Variants in INTS6 observed in about 807,000 individuals in gnomAD.
INTS6 encodes integrator complex subunit 6.
Under a neutral mutation model 104.9 loss-of-function variants are expected in INTS6, and 16 were observed. The observed-to-expected ratio is 0.15, with a 90% CI of 0.10 to 0.23. The LOEUF (loss-of-function observed/expected upper bound fraction) is 0.23, where lower values mean the gene tolerates loss of function less well. INTS6 is among the 10% of genes least tolerant of loss of function. The pLI, the probability that INTS6 is intolerant of heterozygous loss-of-function variation, is 1.00. For synonymous variants in INTS6, 324 were observed against 358.7 expected, an observed-to-expected ratio of 0.90 and a Z score of 1.09; for missense variants, 584 against 1,062.8, an observed-to-expected ratio of 0.55 and a Z score of 6.26.
intron 3 of INTS6, among the ~76,000 whole-genome samples, chr13:51,433,890 A>T (rs963709220): frequency 2.0e-5 from 3 of 152,250 alleles, no homozygotes; most frequent in Non-Finnish European, 2.9e-5. Context: ...TAAAGCACTT[A>T]TCTCATTTGA....
At chr13:51,389,516 A>G (rs1215779150) in intron 5 of INTS6, 72 bp from the exon 6 acceptor site, 1 of 1,381,586 alleles carries the variant, frequency 7.2e-7, no homozygotes, top group Non-Finnish European at 9.6e-7. Context: ...AATTCCTATC[A>G]TTAGCAAGAA....
At chr13:51,394,572 A>G (rs1319172553) in intron 5 of INTS6, among the ~76,000 whole-genome samples, 1 of 152,176 alleles carries the variant, frequency 6.6e-6, no homozygotes, top group Non-Finnish European at 1.5e-5. Context: ...TATCAAATAC[A>G]GAATTTGATA....
intron 3 of INTS6, chr13:51,450,043 C>T: frequency 6.1e-6 from 6 of 984,878 alleles, no homozygotes; most frequent in Non-Finnish European, 6.0e-6. Flanking sequence ...CAATAGGAAG[C>T]AAATAAAAGT....
At chr13:51,338,067 T>C in the INTS6 span, among the ~76,000 whole-genome samples, 48 of 152,338 alleles carry the variant, frequency 3.2e-4, no homozygotes, top group Middle Eastern at 6.8e-3. Flanking sequence ...TCCCGAAGGA[T>C]GCTTCTTAAA....
At chr13:51,375,754 T>C (rs1281888300) in intron 13 of INTS6, among the ~76,000 whole-genome samples, 1 of 151,484 alleles carries the variant, frequency 6.6e-6, no homozygotes, top group Non-Finnish European at 1.5e-5. Context: ...TGTGTGTGTG[T>C]GTGTGTGTGT....
intron 15 of INTS6, among the ~76,000 whole-genome samples, chr13:51,371,495 G>C (rs1188796447): frequency 2.0e-5 from 3 of 151,894 alleles, no homozygotes; most frequent in Admixed American, 2.0e-4. Context: ...ACTAATGTCT[G>C]AATTTCTCTT....
At chr13:51,398,808 G>A (rs142985784) in intron 4 of INTS6, among the ~76,000 whole-genome samples, 10 of 150,926 alleles carry the variant, frequency 6.6e-5, no homozygotes, top group African/African-American at 2.4e-4. Flanking sequence ...AGTCCAATAA[G>A]GGAATCAATA....
chr13:51,374,662 C>T lies in INTS6; in HGVS notation c.1864G>A (p.Asp622Asn). Residue 622 changes from aspartate to asparagine, a missense_variant, in exon 14 of 18, where the codon GAT becomes AAT. Coordinates refer to ENST00000311234, the MANE Select transcript of INTS6 (RefSeq NM_012141.3). The stretch of plus-strand genomic sequence containing the variant: ...GAACATTTCAAAATTACCTTCTTAT[C>T]CAGCTTAAAGGGGTTGCCAAATGTA... Reference protein sequence around the residue: ...LHTFGNPFKLDKKGMMIDEAD... With the variant: ...LHTFGNPFKLNKKGMMIDEAD... 6.2e-7 allele frequency: 1 copy of T among 1,612,852 alleles called. No individual in the cohort carries two copies. Among genetic ancestry groups the T allele is most frequent in the Non-Finnish European group, 8.5e-7 (1 of 1,179,840 alleles).
chr13:51,439,007 A>G (rs1454031646), intron 3 of INTS6: 1 of 152,218 alleles, frequency 6.6e-6, no homozygotes, highest in Non-Finnish European at 1.5e-5. Context: ...TTGAAACCCC[A>G]GAATAACCAA....
intron 4 of INTS6, among the ~76,000 whole-genome samples, chr13:51,404,747 C>T (rs1399111823): frequency 2.0e-5 from 3 of 152,154 alleles, no homozygotes; most frequent in Non-Finnish European, 4.4e-5. Flanking sequence ...CATAACTTTT[C>T]TTTACCGTTT....
intron 4 of INTS6, among the ~76,000 whole-genome samples, chr13:51,411,905 C>T (rs1956694732): frequency 6.6e-6 from 1 of 152,158 alleles, no homozygotes. Flanking sequence ...GGTCAAAAAA[C>T]CCAAATGTTC....
chr13:51,387,304 C>T, intron 7 of INTS6, 82 bp downstream of exon 7: 1 of 1,285,258 alleles, frequency 7.8e-7, no homozygotes, highest in Non-Finnish European at 1.1e-6. Context: ...AAATTAATCA[C>T]AGCTTTGACA....
chr13:51,430,129 A>G (rs1328228705), intron 4 of INTS6, 165 bp downstream of exon 4: 1 of 550,212 alleles, frequency 1.8e-6, no homozygotes, highest in Non-Finnish European at 3.2e-6. Flanking sequence ...TTATTCAAGA[A>G]AATAAGAACA....
Position 51,367,915 on chromosome 13 carries a change from C to T in INTS6, c.2477-17G>A. ...TTTCATATTCTTAAAGCAAAAGAAA[C>T]AAAAAGAAAAATTAAGTGCCTTTCA... On this transcript the variant is annotated splice_polypyrimidine_tract_variant and intron_variant, in intron 16 of 17. Coordinates refer to ENST00000311234, the MANE Select transcript of INTS6 (RefSeq NM_012141.3). 6.9e-7 allele frequency: 1 copy of T among 1,443,936 alleles called. No homozygotes were observed. The highest frequency in any genetic ancestry group is 9.4e-7 in the Non-Finnish European group (1 of 1,067,206). The allele number at this position is 1,443,936 out of a possible 1,614,324, so 89.4% of individuals were successfully genotyped here.
chr13:51,338,051 C>T, the INTS6 span, among the ~76,000 whole-genome samples: 1 of 151,954 alleles, frequency 6.6e-6, no homozygotes, highest in African/African-American at 2.4e-5. Flanking sequence ...ATTTCCCTAG[C>T]ATTTTTCCCG....
chr13:51,403,483 G>A (rs1207453082), intron 4 of INTS6, among the ~76,000 whole-genome samples: 4 of 149,218 alleles, frequency 2.7e-5, no homozygotes, highest in Non-Finnish European at 5.9e-5. Context: ...TCAGAAGGCT[G>A]AGGCAGAAGA....
chr13:51,408,612 GTATGT>G lies in INTS6; in HGVS notation c.430-13134_430-13130del, dbSNP rs542913231. ...AAAACATCAACAGAAACCTTCTGTA[GTATGT>G]TATGTATGTCCCTATTTGTGAAACT... On this transcript the variant is annotated intron_variant, in intron 4 of 17. Transcript: ENST00000311234. Among the ~76,000 whole-genome samples the G allele has an allele frequency of 2.2e-4, 34 of 152,262 alleles. No homozygotes were observed. The East Asian group carries it at 6.6e-3, about 29-fold the overall frequency.
chr13:51,450,854 A>C (rs2138181042), intron 3 of INTS6, 171 bp downstream of exon 3: 1 of 1,230,298 alleles, frequency 8.1e-7, no homozygotes, highest in Non-Finnish European at 1.0e-6. Flanking sequence ...AAAATGAGGG[A>C]TGTAAAATAT....
At chr13:51,404,466 CCATA>C (rs749069028) in intron 4 of INTS6, among the ~76,000 whole-genome samples, 28 of 152,164 alleles carry the variant, frequency 1.8e-4, no homozygotes, top group South Asian at 6.2e-4. Flanking sequence ...TTGTACGTGC[CCATA>C]CATAGAGAAT....
Sources: gnomAD v4.1 joint callset for allele counts (sites outside exome capture counted in the v4.1 genomes callset) on GRCh38, gnomAD v4.1.1 for gene constraint, MANE v1.5 for transcripts, NCBI Gene and HGNC (gene_info 2026-07-23, HGNC 2026-07-21) for gene names.